Variants in ASIC2 observed in about 807,000 individuals in gnomAD.
ASIC2 encodes the protein acid-sensing ion channel 2.
Under a neutral mutation model 57.3 loss-of-function variants are expected in ASIC2, and 25 were observed. That is an observed-to-expected ratio of 0.44 (90% CI 0.32 to 0.61). ASIC2 has a LOEUF of 0.61. ASIC2 is among the 20% of genes least tolerant of loss of function. The pLI is 0.06. For synonymous variants in ASIC2, 319 were observed against 307.5 expected (o/e 1.04, Z -0.39); for missense variants, 641 against 738.1 (o/e 0.87, Z 1.52).
intron 1 of ASIC2, among the ~76,000 whole-genome samples, chr17:34,023,348 T>C (rs1907253704): frequency 6.9e-6 from 1 of 144,594 alleles, no homozygotes; most frequent in Non-Finnish European, 1.5e-5. Context: ...AGTTCTCTGT[T>C]TCTCTTTCTC....
intron 2 of ASIC2, among the ~76,000 whole-genome samples, chr17:33,101,305 A>G (rs533741636): frequency 6.6e-6 from 1 of 152,356 alleles, no homozygotes; most frequent in South Asian, 2.1e-4. Context: ...CCTTCCAGCT[A>G]TGCTAAAAAT....
At chr17:34,153,118 T>C (rs1904588702) in intron 1 of ASIC2, among the ~76,000 whole-genome samples, 1 of 152,166 alleles carries the variant, frequency 6.6e-6, no homozygotes, top group African/African-American at 2.4e-5. Context: ...TTAAAGGGTA[T>C]TACACACTTC....
chr17:33,019,231 A>T (rs1233680013), intron 7 of ASIC2, among the ~76,000 whole-genome samples: 1 of 151,788 alleles, frequency 6.6e-6, no homozygotes, highest in African/African-American at 2.4e-5. Context: ...AGCAGGCAGG[A>T]GGTCTGGCTG....
At chr17:33,238,707 C>A (rs541971650) in intron 1 of ASIC2, among the ~76,000 whole-genome samples, 1 of 152,308 alleles carries the variant, frequency 6.6e-6, no homozygotes, top group East Asian at 1.9e-4. Context: ...GCTCCCCCAA[C>A]CAATATCCAC....
intron 1 of ASIC2, chr17:34,118,824 A>G (rs1009800038): frequency 6.6e-6 from 1 of 152,252 alleles, no homozygotes; most frequent in Non-Finnish European, 1.5e-5. Flanking sequence ...GGGTGCTCTA[A>G]GGTTGTGCTG....
intron 1 of ASIC2, among the ~76,000 whole-genome samples, chr17:33,685,745 AACCTCTAG>A (rs1908165538): frequency 6.6e-6 from 1 of 152,116 alleles, no homozygotes; most frequent in Non-Finnish European, 1.5e-5. Flanking sequence ...GATCCTCTCA[AACCTCTAG>A]ATGGCAGAGT....
intron 1 of ASIC2, among the ~76,000 whole-genome samples, chr17:34,066,957 A>C (rs939956500): frequency 1.3e-5 from 2 of 152,220 alleles, no homozygotes; most frequent in African/African-American, 4.8e-5. Flanking sequence ...GTCTAACCTC[A>C]AATCTGAGAG....
chr17:33,846,821 T>C (rs550948592), intron 1 of ASIC2, among the ~76,000 whole-genome samples: 17 of 151,204 alleles, frequency 1.1e-4, no homozygotes, highest in African/African-American at 3.9e-4. Context: ...GCCTCCCGGG[T>C]TCACGCCTTT....
At chr17:33,888,804 A>T (rs1302617826) in intron 1 of ASIC2, among the ~76,000 whole-genome samples, 1 of 152,092 alleles carries the variant, frequency 6.6e-6, no homozygotes, top group Non-Finnish European at 1.5e-5. Flanking sequence ...CTGTGAGTGG[A>T]GGGGCTATAG....
At chr17:33,258,703 A>G (rs1050957656) in intron 1 of ASIC2, among the ~76,000 whole-genome samples, 2 of 152,230 alleles carry the variant, frequency 1.3e-5, no homozygotes, top group African/African-American at 4.8e-5. Flanking sequence ...GGAGGAAGCC[A>G]GAAGTCAAGA....
At chr17:33,283,094 T>A (rs1292235231) in intron 1 of ASIC2, among the ~76,000 whole-genome samples, 2 of 152,216 alleles carry the variant, frequency 1.3e-5, no homozygotes, top group Non-Finnish European at 2.9e-5. Flanking sequence ...TGCTCTGGTG[T>A]GGCAGAGGGC....
intron 1 of ASIC2, among the ~76,000 whole-genome samples, chr17:33,759,615 C>G (rs533891406): frequency 6.6e-6 from 1 of 152,226 alleles, no homozygotes; most frequent in Non-Finnish European, 1.5e-5. Context: ...GGTTCAGAGG[C>G]CTAGGATGGC....
At chr17:33,786,296 TC>T (rs1911598682) in intron 1 of ASIC2, among the ~76,000 whole-genome samples, 1 of 152,098 alleles carries the variant, frequency 6.6e-6, no homozygotes, top group South Asian at 2.1e-4. Flanking sequence ...TCAGACCTCT[TC>T]CCTCTGGGAT....
At chr17:33,592,157 C>G (rs933377036) in intron 1 of ASIC2, among the ~76,000 whole-genome samples, 1 of 152,186 alleles carries the variant, frequency 6.6e-6, no homozygotes, top group African/African-American at 2.4e-5. Context: ...AGGGCCCCTC[C>G]TCATGGAACT....
chr17:33,597,897 C>A (rs753198014), intron 1 of ASIC2, among the ~76,000 whole-genome samples: 12 of 152,252 alleles, frequency 7.9e-5, no homozygotes, highest in Non-Finnish European at 1.3e-4. Context: ...ATTTCTCCCT[C>A]TTTCCTTTTC....
At chr17:33,756,742 G>T (rs1189582659) in intron 1 of ASIC2, among the ~76,000 whole-genome samples, 2 of 152,178 alleles carry the variant, frequency 1.3e-5, no homozygotes, top group Non-Finnish European at 2.9e-5. Flanking sequence ...TAAAGTGACA[G>T]CCCAAAGAGA....
chr17:33,774,400 G>A (rs1362964143), intron 1 of ASIC2, among the ~76,000 whole-genome samples: 1 of 152,150 alleles, frequency 6.6e-6, no homozygotes. Context: ...TGCTGTGATT[G>A]ATTTGTGATG....
At chr17:33,897,260 A>G (rs2141951332) in intron 1 of ASIC2, among the ~76,000 whole-genome samples, 1 of 152,336 alleles carries the variant, frequency 6.6e-6, no homozygotes, top group Non-Finnish European at 1.5e-5. Flanking sequence ...CTTCAATGAT[A>G]TTCTGCACAG....
chr17:34,083,804 G>C (rs1909989619), intron 1 of ASIC2, among the ~76,000 whole-genome samples: 1 of 152,168 alleles, frequency 6.6e-6, no homozygotes, highest in Admixed American at 6.5e-5. Flanking sequence ...GTGTGTTTTG[G>C]CTGCATAAAT....
Sources: gnomAD v4.1 joint callset for allele counts (sites outside exome capture counted in the v4.1 genomes callset) on GRCh38, gnomAD v4.1.1 for gene constraint, MANE v1.5 for transcripts, NCBI Gene and HGNC (gene_info 2026-07-23, HGNC 2026-07-21) for gene names.